Variants in INHBC observed in about 807,000 individuals in gnomAD.
The protein encoded by INHBC is inhibin subunit beta C.
Under a neutral mutation model 12.4 loss-of-function variants are expected in INHBC, and 10 were observed. The observed-to-expected ratio is 0.81, with a 90% CI of 0.50 to 1.37. INHBC has a LOEUF of 1.37. Ranked by LOEUF, INHBC falls within the 40% of genes most tolerant of loss-of-function variation. The probability of loss-of-function intolerance (pLI) is 0.00; values close to 1 mark genes in which losing one functional copy is unlikely to be tolerated. For synonymous variants in INHBC, 147 were observed against 171.6 expected (o/e 0.86, Z 1.12); for missense variants, 382 against 439.4 (o/e 0.87, Z 1.17).
intron 1 of INHBC, among the ~76,000 whole-genome samples, chr12:57,443,604 A>T (rs4760244): frequency 0.43 from 64,778 of 149,786 alleles, 14,667 homozygotes; most frequent in South Asian, 0.52. Context: ...TTTTTCACTT[A>T]AAAAAAAAAA....
At chr12:57,445,736 ATTTT>A (rs35509259) in intron 1 of INHBC, among the ~76,000 whole-genome samples, 2 of 101,360 alleles carry the variant, frequency 2.0e-5, no homozygotes, top group African/African-American at 3.6e-5. Flanking sequence ...CTCCATGTAA[ATTTT>A]TTTTTTTTTT....
Position 57,437,670 on chromosome 12 carries a change from C to CAA in INHBC, c.313+2485_313+2486dup, listed in dbSNP as rs34920755. Reference sequence around the variant, plus strand: ...TGGGGGACAGAGTGACACTCCGTCTCAAAAAAAAAAAAAAAGAAAGAAAGA... The same window carrying CAA: ...TGGGGGACAGAGTGACACTCCGTCTCAAAAAAAAAAAAAAAAAGAAAGAAAGA... On this transcript the variant is annotated intron_variant, in intron 1 of 1. Transcript: ENST00000309668. Among the ~76,000 whole-genome samples the CAA allele has an allele frequency of 7.1e-4, 81 of 113,862 alleles. 1 individual carries two copies. The highest frequency in any genetic ancestry group is 5.7e-3 in the Middle Eastern group (1 of 176). The allele number at this position is 113,862 out of a possible 152,430, so 74.7% of individuals were successfully genotyped here. A position where few individuals can be genotyped will look rare whatever the true frequency, so the allele number is the denominator to read the frequency against.
chr12:57,445,736 A>AT (rs35509259), intron 1 of INHBC, among the ~76,000 whole-genome samples: 23,348 of 101,346 alleles, frequency 0.23, 3,170 homozygotes, highest in East Asian at 0.49. Flanking sequence ...CTCCATGTAA[A>AT]TTTTTTTTTT....
chr12:57,434,932 A>G lies in INHBC; in HGVS notation c.46A>G (p.Thr16Ala). 6.2e-7 allele frequency: 1 copy of G among 1,614,132 alleles called. No homozygotes were observed. Among genetic ancestry groups the G allele is most frequent in the African/African-American group, 1.3e-5 (1 of 75,054 alleles). ...LLAFLLLAPT[T>A]VATPRAGGQC... is the part of the protein sequence containing the mutation. ...GGCCTTTCTCCTCCTGGCTCCAACC[A>G]CAGTGGCCACTCCCAGAGCTGGCGG... Residue 16 changes from threonine (T) to alanine (A), a missense_variant, in exon 1 of 2, where the codon ACA becomes GCA. Thr to Ala is a moderately conservative substitution (Grantham distance 58). Coordinates refer to ENST00000309668, the MANE Select transcript of INHBC (RefSeq NM_005538.4).
intron 1 of INHBC, among the ~76,000 whole-genome samples, chr12:57,448,802 T>A (rs1360224421): frequency 6.6e-6 from 1 of 152,150 alleles, no homozygotes; most frequent in Non-Finnish European, 1.5e-5. Flanking sequence ...TTGTCAGCAG[T>A]GCTGTCTTAG....
intron 1 of INHBC, among the ~76,000 whole-genome samples, chr12:57,438,224 G>A (rs1870388817): frequency 6.6e-6 from 1 of 152,194 alleles, no homozygotes; most frequent in Non-Finnish European, 1.5e-5. Flanking sequence ...GGATAGTTGA[G>A]ATAATTAAAT....
chr12:57,434,895 C>G lies in INHBC; in HGVS notation c.9C>G (p.Ser3=). Residue 3 remains serine (S), a synonymous_variant, in exon 1 of 2, where the codon TCC becomes TCG. Transcript: ENST00000309668. MT[S]SLLLAFLLLA... is the part of the protein sequence containing the mutation. Reference sequence around the variant, plus strand: ...AAGGGCCTTCCCCAGCAATGACCTCCTCATTGCTTCTGGCCTTTCTCCTCC... The same window carrying G: ...AAGGGCCTTCCCCAGCAATGACCTCGTCATTGCTTCTGGCCTTTCTCCTCC... The G allele has an allele frequency of 6.2e-7, 1 of 1,611,668 alleles. No homozygotes were observed. The highest frequency in any genetic ancestry group is 8.5e-7 in the Non-Finnish European group (1 of 1,178,304).
intron 1 of INHBC, among the ~76,000 whole-genome samples, chr12:57,436,473 C>CTTTTT (rs71084754): frequency 2.0e-4 from 21 of 104,764 alleles, no homozygotes; most frequent in East Asian, 2.8e-4. Flanking sequence ...TTTTCTTTTT[C>CTTTTT]TTTTTTTTTT....
chr12:57,448,309 G>A (rs1026192811), intron 1 of INHBC, among the ~76,000 whole-genome samples: 1 of 152,014 alleles, frequency 6.6e-6, no homozygotes, highest in East Asian at 1.9e-4. Flanking sequence ...GGTGGCTCAC[G>A]CCTGTAATCC....
At position 57,450,938 on chromosome 12, in the gene INHBC, C is replaced by T. The variant is rs1051235170; in HGVS notation, c.*916C>T. On this transcript the variant is annotated 3_prime_UTR_variant, in exon 2 of 2. Coordinates refer to ENST00000309668, the MANE Select transcript of INHBC (RefSeq NM_005538.4). ...TCTGCCTATACCTCTGTAAATAATT[C>T]CTTCACTAAGTTCTCTTGATGAAGC... 1.3e-5 allele frequency: 2 copies of T among 152,184 alleles called. No individual in the cohort carries two copies. Among genetic ancestry groups the T allele is most frequent in the African/African-American group, 2.4e-5 (1 of 41,430 alleles). 9.4% of individuals were successfully genotyped at this position (152,184 alleles called of 1,614,324 possible).
chr12:57,445,581 A>G (rs1247693430), intron 1 of INHBC, among the ~76,000 whole-genome samples: 1 of 152,086 alleles, frequency 6.6e-6, no homozygotes, highest in East Asian at 1.9e-4. Flanking sequence ...GGGGGGATAC[A>G]TTTAGACTTC....
At chr12:57,435,499 G>A (rs975495255) in intron 1 of INHBC, among the ~76,000 whole-genome samples, 12 of 152,172 alleles carry the variant, frequency 7.9e-5, no homozygotes, top group African/African-American at 2.7e-4. Context: ...ACAGGCTGTG[G>A]TGTGAGCCCA....
rs1468032021 is a variant in INHBC, at chr12:57,450,596, T to A, written c.*574T>A. On this transcript the variant is annotated 3_prime_UTR_variant, in exon 2 of 2. Transcript: ENST00000309668. ...CTACTAAAGCTCTCTTTGCATACCT[T>A]CATCCATTTTTTGTCCTTCTCTGCC... 6.6e-6 allele frequency: 1 copy of A among 152,278 alleles called. No individual in the cohort carries two copies. Among genetic ancestry groups the A allele is most frequent in the African/African-American group, 2.4e-5 (1 of 41,444 alleles). 9.4% of individuals were successfully genotyped at this position (152,278 alleles called of 1,614,324 possible).
chr12:57,440,489 C>T (rs1870440929), intron 1 of INHBC, among the ~76,000 whole-genome samples: 1 of 152,010 alleles, frequency 6.6e-6, no homozygotes. Flanking sequence ...CACACCACCA[C>T]ACCCAGCTAA....
chr12:57,435,274 C>G, intron 1 of INHBC, 75 bp downstream of exon 1: 1 of 1,355,522 alleles, frequency 7.4e-7, no homozygotes, highest in South Asian at 1.4e-5. Context: ...GCCAGACTTA[C>G]CTCTGACTCC....
chr12:57,437,543 C>T (rs906443551), intron 1 of INHBC, among the ~76,000 whole-genome samples: 6 of 151,272 alleles, frequency 4.0e-5, no homozygotes, highest in African/African-American at 1.2e-4. Flanking sequence ...TGGTGGCAGG[C>T]GCCTGTAGTC....
In INHBC at chr12:57,434,856, C is replaced by G. The variant is rs1566548604; in HGVS notation, c.-31C>G. The G allele has an allele frequency of 6.3e-7, 1 of 1,578,652 alleles. No homozygotes were observed. Among genetic ancestry groups the G allele is most frequent in the South Asian group, 1.2e-5 (1 of 85,226 alleles). ...GCTGTTGAGACCCTGAGCCCTGAGT[C>G]TGTATTGCTCAAGAAGGGCCTTCCC... On this transcript the variant is annotated 5_prime_UTR_variant, in exon 1 of 2. Coordinates refer to ENST00000309668, the MANE Select transcript of INHBC (RefSeq NM_005538.4).
At chr12:57,435,888 C>A (rs377126864) in intron 1 of INHBC, among the ~76,000 whole-genome samples, 2 of 151,954 alleles carry the variant, frequency 1.3e-5, no homozygotes. Context: ...GCTCTGTCAC[C>A]CAGGCTGGAG....
In INHBC at chr12:57,449,526, C is replaced by T; in HGVS notation, c.563C>T (p.Ala188Val). 6 of 1,614,040 alleles carry T rather than the reference C, an allele frequency of 3.7e-6. No homozygotes were observed. Among genetic ancestry groups the T allele is most frequent in the Non-Finnish European group, 5.1e-6 (6 of 1,179,864 alleles). Residue 188 changes from alanine (A) to valine (V), a missense_variant, in exon 2 of 2, where the codon GCT becomes GTT. Transcript: ENST00000309668. Reference sequence around the variant, plus strand: ...CTCCCCCTAGGGCCTGAAGCTCAAGCTGCCTGCAGCCAGGGGCACCTGACC... The same window carrying T: ...CTCCCCCTAGGGCCTGAAGCTCAAGTTGCCTGCAGCCAGGGGCACCTGACC... ...HQLPLGPEAQ[A>V]ACSQGHLTLE... is the part of the protein sequence containing the mutation.
Sources: gnomAD v4.1 joint callset for allele counts (sites outside exome capture counted in the v4.1 genomes callset) on GRCh38, gnomAD v4.1.1 for gene constraint, MANE v1.5 for transcripts, NCBI Gene and HGNC (gene_info 2026-07-23, HGNC 2026-07-21) for gene names.